Variants in DDX60 observed in about 807,000 individuals in gnomAD.
DDX60 encodes the protein probable ATP-dependent RNA helicase DDX60.
In DDX60, 165 loss-of-function variants were observed where a neutral mutation model predicts 212.8. The observed-to-expected ratio is 0.78, with a 90% CI of 0.68 to 0.88. The LOEUF is 0.88. Ranked by LOEUF, DDX60 falls within the 40% of genes least tolerant of loss-of-function variation. The pLI is 0.00. For synonymous variants in DDX60, 703 were observed against 685.3 expected, an observed-to-expected ratio of 1.03 and a Z score of -0.40; for missense variants, 1,905 against 2,003.9, an observed-to-expected ratio of 0.95 and a Z score of 0.94.
At position 168,272,023 on chromosome 4, in the gene DDX60, AG is replaced by A; in HGVS notation, c.2670+19del. 1 of 1,547,380 alleles carries A rather than the reference AG, an allele frequency of 6.5e-7. No individual in the cohort carries two copies. Among genetic ancestry groups the A allele is most frequent in the Non-Finnish European group, 8.8e-7 (1 of 1,138,048 alleles). On this transcript the variant is annotated intron_variant, in intron 19 of 37. Transcript: ENST00000393743. ...AAGTGTGCACTAGGGAATTAAGCAA[AG>A]AAAGAACACCAAACCTACCTCATCA...
chr4:168,221,508 G>T (rs751001796), intron 36 of DDX60, among the ~76,000 whole-genome samples: 3 of 151,922 alleles, frequency 2.0e-5, no homozygotes, highest in Admixed American at 6.6e-5. Context: ...TGTGAGCTGG[G>T]CTAAGTGCCA....
At chr4:168,270,875 CTTT>C (rs759054592) in intron 19 of DDX60, among the ~76,000 whole-genome samples, 3 of 110,860 alleles carry the variant, frequency 2.7e-5, no homozygotes, top group Non-Finnish European at 5.4e-5. Flanking sequence ...TTCTTTCTTT[CTTT>C]TTTTTTTTTT....
intron 35 of DDX60, among the ~76,000 whole-genome samples, chr4:168,223,932 T>C (rs1733153204): frequency 6.6e-6 from 1 of 151,994 alleles, no homozygotes; most frequent in Non-Finnish European, 1.5e-5. Context: ...ATAGCAGTAC[T>C]GAGAAAGTCT....
chr4:168,268,953 C>T lies in DDX60; in HGVS notation c.2687G>A (p.Gly896Glu). The change falls in exon 20 of 38, where the codon GGA becomes GAA. Residue 896 changes from glycine (G) to glutamate (E), a missense_variant. Transcript: ENST00000393743. ...VIFDEVHCLGGEIGAEIWEHL... is the reference protein window; with the variant it reads ...VIFDEVHCLGEEIGAEIWEHL... Reference sequence around the variant, plus strand: ...TTCCCAGATTTCTGCTCCAATTTCTCCACCAAGACAATGAACCTATTAAAC... The same window carrying T: ...TTCCCAGATTTCTGCTCCAATTTCTTCACCAAGACAATGAACCTATTAAAC... 6.3e-7 allele frequency: 1 copy of T among 1,577,652 alleles called. No homozygotes were observed. The highest frequency in any genetic ancestry group is 1.4e-5 in the African/African-American group (1 of 72,670).
At chr4:168,256,953 T>C (rs188646442) in intron 25 of DDX60, among the ~76,000 whole-genome samples, 20 of 152,382 alleles carry the variant, frequency 1.3e-4, no homozygotes, top group African/African-American at 4.3e-4. Context: ...GTAAGAATTT[T>C]AAAACTGAGA....
intron 13 of DDX60, among the ~76,000 whole-genome samples, chr4:168,282,071 G>T (rs1324050498): frequency 6.6e-6 from 1 of 152,152 alleles, no homozygotes. Context: ...AAAAGTAAAT[G>T]TTTAATTAAG....
rs1733005761 is a variant in DDX60 at position 168,220,293 on chromosome 4, C to G, written c.5039+362G>C. 2.0e-5 allele frequency among the ~76,000 whole-genome samples: 3 copies of G among 152,220 alleles called. No homozygotes were observed. The South Asian group carries it at 6.2e-4, about 32-fold the overall frequency. On this transcript the variant is annotated intron_variant, in intron 37 of 37. Coordinates refer to ENST00000393743, the MANE Select transcript of DDX60 (RefSeq NM_017631.6). Reference sequence around the variant, plus strand: ...AGACCGGATGGAACCCTAAGGAGCCCTCTGAAATATCGTGTCCCATGTCTT... The same window carrying G: ...AGACCGGATGGAACCCTAAGGAGCCGTCTGAAATATCGTGTCCCATGTCTT...
intron 1 of DDX60, among the ~76,000 whole-genome samples, chr4:168,315,604 G>GCGTGAGGTTCCCCTCCC (rs1737332659): frequency 6.6e-6 from 1 of 152,144 alleles, no homozygotes; most frequent in Non-Finnish European, 1.5e-5. Context: ...AAGCCCCAGT[G>GCGTGAGGTTCCCCTCCC]TGTGAGGTTC....
intron 33 of DDX60, among the ~76,000 whole-genome samples, chr4:168,231,408 AAAAG>A (rs1733449989): frequency 6.6e-6 from 1 of 151,626 alleles, no homozygotes; most frequent in Admixed American, 6.6e-5. Context: ...AACAAAAAAA[AAAAG>A]AAAGAAAACT....
intron 6 of DDX60, among the ~76,000 whole-genome samples, chr4:168,294,534 T>C (rs2149537865): frequency 6.6e-6 from 1 of 152,248 alleles, no homozygotes; most frequent in East Asian, 1.9e-4. Flanking sequence ...AGGGTCTCAC[T>C]CTATCACCCA....
intron 26 of DDX60, among the ~76,000 whole-genome samples, chr4:168,253,991 G>A (rs1734315236): frequency 6.6e-6 from 1 of 152,306 alleles, no homozygotes; most frequent in South Asian, 2.1e-4. Context: ...GTTAAGTAAC[G>A]TTACCTTTAA....
At position 168,288,308 on chromosome 4, in the gene DDX60, C is replaced by A; in HGVS notation, c.1049G>T (p.Trp350Leu). Reference protein sequence around the residue: ...DMKPLLQMKKWCEYFILRNIH... With the variant: ...DMKPLLQMKKLCEYFILRNIH... ...ATTTCTTAAGATGAAATATTCACAC[C>A]ACTTTTTCTGAAAATTGAAAAGAAA... The change falls in exon 9 of 38, where the codon TGG becomes TTG. Residue 350 changes from tryptophan (W) to leucine (L), a missense_variant. Coordinates refer to ENST00000393743, the MANE Select transcript of DDX60 (RefSeq NM_017631.6). 1.4e-6 allele frequency: 2 copies of A among 1,463,446 alleles called. No homozygotes were observed. Among genetic ancestry groups the A allele is most frequent in the South Asian group, 1.3e-5 (1 of 79,752 alleles). 90.7% of individuals were successfully genotyped at this position (1,463,446 alleles called of 1,614,324 possible). A position where few individuals can be genotyped will look rare whatever the true frequency, so the allele number is the denominator to read the frequency against.
chr4:168,310,889 C>G, intron 3 of DDX60, 109 bp downstream of exon 3: 1 of 616,762 alleles, frequency 1.6e-6, no homozygotes, highest in East Asian at 2.8e-5. Flanking sequence ...GTGCCCTTAG[C>G]CCCTACATTG....
At chr4:168,238,005 G>A (rs1403502836) in intron 30 of DDX60, among the ~76,000 whole-genome samples, 2 of 151,864 alleles carry the variant, frequency 1.3e-5, no homozygotes, top group East Asian at 1.9e-4. Context: ...GAAATGAAAC[G>A]TATTGCCAAA....
intron 8 of DDX60, among the ~76,000 whole-genome samples, chr4:168,288,938 C>A (rs1735975487): frequency 6.6e-6 from 1 of 152,188 alleles, no homozygotes; most frequent in African/African-American, 2.4e-5. Context: ...ACACTTCAAG[C>A]TACAGAGTGT....
intron 4 of DDX60, among the ~76,000 whole-genome samples, 169 bp from the exon 5 acceptor site, chr4:168,306,889 G>GA (rs1736908776): frequency 2.0e-5 from 3 of 152,134 alleles, no homozygotes; most frequent in Admixed American, 6.6e-5. Flanking sequence ...GATATTTGCT[G>GA]AAAAAAATCA....
chr4:168,249,732 G>A (rs915393732), intron 28 of DDX60, among the ~76,000 whole-genome samples: 2 of 151,878 alleles, frequency 1.3e-5, no homozygotes, highest in African/African-American at 4.8e-5. Flanking sequence ...TATTGTACGT[G>A]GTTATTAGCC....
In DDX60 at chr4:168,216,762, G is replaced by A. The variant is rs1319735245; in HGVS notation, c.*171C>T. 2 of 509,222 alleles carry A rather than the reference G, an allele frequency of 3.9e-6. No individual in the cohort carries two copies. The highest frequency in any genetic ancestry group is 6.8e-6 in the Non-Finnish European group (2 of 293,214). 31.5% of individuals were successfully genotyped at this position (509,222 alleles called of 1,614,324 possible). On this transcript the variant is annotated 3_prime_UTR_variant, in exon 38 of 38. Transcript: ENST00000393743. ...TTGTGAGTATTCATGACAGAACATG[G>A]CAGGTTTGATTGCAACTCTGTTTGA...
chr4:168,283,531 A>G lies in DDX60; in HGVS notation c.1637T>C (p.Leu546Ser). The G allele has an allele frequency of 6.2e-7, 1 of 1,613,444 alleles. No homozygotes were observed. The highest frequency in any genetic ancestry group is 1.3e-5 in the African/African-American group (1 of 75,026). ...HVFQRFYGNSLETVSSKIIVT... is the reference protein window; with the variant it reads ...HVFQRFYGNSSETVSSKIIVT... ...GATGATTTTCGAAGAGACTGTTTCT[A>G]ATGAATTCCCATAAAACCGTTGGAA... Residue 546 changes from leucine (L) to serine (S), a missense_variant, in exon 13 of 38, where the codon TTA becomes TCA. By Grantham distance (145) the Leu-to-Ser change is moderately radical. Coordinates refer to ENST00000393743, the MANE Select transcript of DDX60 (RefSeq NM_017631.6).
Sources: allele counts gnomAD v4.1 joint callset (sites outside exome capture counted in the v4.1 genomes callset), GRCh38; gene constraint gnomAD v4.1.1; transcripts MANE v1.5; gene names NCBI Gene and HGNC (gene_info 2026-07-23, HGNC 2026-07-21).